RAPGEF6: variants seen among roughly 807,000 people sequenced by gnomAD.
The protein encoded by RAPGEF6 is Rap guanine nucleotide exchange factor 6.
In RAPGEF6, 56 loss-of-function variants were observed where a neutral mutation model predicts 171.4. The ratio of observed to expected loss-of-function variants is 0.33; its 90% CI spans 0.26 to 0.41. The LOEUF (loss-of-function observed/expected upper bound fraction) is 0.41, where lower values mean the gene tolerates loss of function less well. RAPGEF6 is among the 10% of genes least tolerant of loss of function. RAPGEF6 has a pLI of 1.00. For missense variants in RAPGEF6, 1,674 were observed against 1,921.4 expected (o/e 0.87, Z 2.41); for synonymous variants, 692 against 650.1 (o/e 1.06, Z -0.98).
intron 3 of RAPGEF6, among the ~76,000 whole-genome samples, chr5:131,601,545 G>A (rs1764258519): frequency 6.6e-6 from 1 of 152,104 alleles, no homozygotes; most frequent in Non-Finnish European, 1.5e-5. Context: ...CCAAATACCT[G>A]ATAGAAACAT....
At position 131,472,642 on chromosome 5, in the gene RAPGEF6, G is replaced by A. The variant is rs772034992; in HGVS notation, c.2184C>T (p.Ser728=). The A allele has an allele frequency of 3.1e-6, 5 of 1,614,078 alleles. No individual in the cohort carries two copies. The East Asian group carries it at 1.1e-4, about 36-fold the overall frequency. ...TGGTAGGCTGCAGGAGATCAGGGCT[G>A]CTGGATGAGAGTGTTCCAGGGATGG... is the stretch of plus-strand genomic sequence containing the variant. The part of the protein sequence containing the change: ...IMPIPGTLSS[S]SPDLLQPTTS... Residue 728 remains serine (S), a synonymous_variant, in exon 17 of 28, where the codon AGC becomes AGT. Coordinates refer to ENST00000509018, the MANE Select transcript of RAPGEF6 (RefSeq NM_016340.6).
At chr5:131,624,170 T>G (rs995775271) in intron 1 of RAPGEF6, among the ~76,000 whole-genome samples, 7 of 152,224 alleles carry the variant, frequency 4.6e-5, no homozygotes, top group African/African-American at 1.7e-4. Context: ...TCACATATAT[T>G]ATCTCATTTG....
chr5:131,453,768 A>G lies in RAPGEF6; in HGVS notation c.3077-591T>C, dbSNP rs76799879. Among the ~76,000 whole-genome samples the G allele has an allele frequency of 2.0e-3, 308 of 152,336 alleles. 1 individual carries two copies. The highest frequency in any genetic ancestry group is 3.3e-3 in the Non-Finnish European group (227 of 68,014). On this transcript the variant is annotated intron_variant, in intron 20 of 27. Coordinates refer to ENST00000509018, the MANE Select transcript of RAPGEF6 (RefSeq NM_016340.6). Reference sequence around the variant, plus strand: ...AAGGCAAGACTGAGGAACATACGGTAAACAGCACGTATAGATTGGACACAT... The same window carrying G: ...AAGGCAAGACTGAGGAACATACGGTGAACAGCACGTATAGATTGGACACAT...
intron 6 of RAPGEF6, among the ~76,000 whole-genome samples, chr5:131,538,508 T>C (rs1759923437): frequency 6.6e-6 from 1 of 152,188 alleles, no homozygotes; most frequent in Admixed American, 6.5e-5. Context: ...GTCATTTATG[T>C]GGTCTGTCAT....
At chr5:131,453,287 A>G in intron 20 of RAPGEF6, 110 bp from the exon 21 acceptor site, 1 of 1,444,384 alleles carries the variant, frequency 6.9e-7, no homozygotes, top group Non-Finnish European at 9.1e-7. Flanking sequence ...TCTTTATCAC[A>G]GTGCCAATTT....
At position 131,428,461 on chromosome 5, in the gene RAPGEF6, CT is replaced by C. The variant is rs879499440; in HGVS notation, c.4780+440del. On this transcript the variant is annotated intron_variant, in intron 27 of 27. Transcript: ENST00000509018. Reference sequence around the variant, plus strand: ...CACTCCCCCATACTATATTTAGGAACTTTTTTTTTTTTTTTGGAGACAGAGT... The same window carrying C: ...CACTCCCCCATACTATATTTAGGAACTTTTTTTTTTTTTTGGAGACAGAGT... 5.0e-3 allele frequency among the ~76,000 whole-genome samples: 706 copies of C among 142,038 alleles called. 2 individuals carry two copies. Among genetic ancestry groups the C allele is most frequent in the African/African-American group, 8.0e-3 (312 of 38,894 alleles). 93.2% of individuals were successfully genotyped at this position (142,038 alleles called of 152,430 possible). A position where few individuals can be genotyped will look rare whatever the true frequency, so the allele number is the denominator to read the frequency against.
At chr5:131,553,162 C>A (rs1761027159) in intron 5 of RAPGEF6, among the ~76,000 whole-genome samples, 1 of 152,116 alleles carries the variant, frequency 6.6e-6, no homozygotes, top group Admixed American at 6.5e-5. Flanking sequence ...AGAGACCCTG[C>A]TGAAGCACAA....
At chr5:131,553,821 T>G (rs1761059166) in intron 5 of RAPGEF6, among the ~76,000 whole-genome samples, 1 of 151,480 alleles carries the variant, frequency 6.6e-6, no homozygotes, top group African/African-American at 2.4e-5. Context: ...AAAAGGGAGT[T>G]AGTAAACTGG....
At chr5:131,431,617 A>T (rs867875350) in intron 25 of RAPGEF6, among the ~76,000 whole-genome samples, 179 of 145,626 alleles carry the variant, frequency 1.2e-3, no homozygotes, top group African/African-American at 4.2e-3. Context: ...AATGTTAGAT[A>T]TTTTTTTTTT....
intron 19 of RAPGEF6, among the ~76,000 whole-genome samples, chr5:131,456,732 C>G (rs182314471): frequency 3.3e-5 from 5 of 152,320 alleles, no homozygotes; most frequent in African/African-American, 1.2e-4. Context: ...TCTCAGCCAT[C>G]TGACTTTTAC....
chr5:131,625,063 A>C (rs1193251799), intron 1 of RAPGEF6, among the ~76,000 whole-genome samples: 2 of 152,088 alleles, frequency 1.3e-5, no homozygotes, highest in African/African-American at 2.4e-5. Context: ...GCAGTTCGAG[A>C]CCAGCCTGGC....
At chr5:131,593,891 A>G (rs1358323943) in intron 3 of RAPGEF6, among the ~76,000 whole-genome samples, 2 of 152,382 alleles carry the variant, frequency 1.3e-5, no homozygotes, top group Middle Eastern at 3.4e-3. Flanking sequence ...TTTAAAGGGA[A>G]GCAGAGCATA....
chr5:131,509,542 C>CAAAAAAAAAAAAAAAAA (rs59175698), intron 8 of RAPGEF6, among the ~76,000 whole-genome samples: 4 of 136,958 alleles, frequency 2.9e-5, no homozygotes, highest in African/African-American at 1.0e-4. Flanking sequence ...GACACCGTCT[C>CAAAAAAAAAAAAAAAAA]AAAAAAAAAA....
At chr5:131,435,766 G>T in intron 24 of RAPGEF6, 1 of 1,192,578 alleles carries the variant, frequency 8.4e-7, no homozygotes, top group Non-Finnish European at 1.1e-6. Flanking sequence ...GAAAACAAGA[G>T]TATAAAATTT....
intron 24 of RAPGEF6, among the ~76,000 whole-genome samples, chr5:131,439,200 A>T (rs1752221389): frequency 6.6e-6 from 1 of 152,228 alleles, no homozygotes; most frequent in African/African-American, 2.4e-5. Flanking sequence ...TATAAGCATG[A>T]GCCACTGTGC....
intron 6 of RAPGEF6, among the ~76,000 whole-genome samples, chr5:131,524,525 C>A (rs953304101): frequency 1.4e-5 from 2 of 144,906 alleles, no homozygotes; most frequent in African/African-American, 5.2e-5. Context: ...CAAACACAAC[C>A]AAAAGAAAGC....
intron 6 of RAPGEF6, among the ~76,000 whole-genome samples, chr5:131,534,429 T>C (rs1759616037): frequency 6.6e-6 from 1 of 152,140 alleles, no homozygotes; most frequent in Non-Finnish European, 1.5e-5. Context: ...ATTATTTAGA[T>C]TTTCATAAAG....
intron 11 of RAPGEF6, among the ~76,000 whole-genome samples, chr5:131,499,488 G>A (rs747403635): frequency 1.4e-5 from 2 of 147,418 alleles, no homozygotes; most frequent in African/African-American, 5.0e-5. Context: ...GGGTGAGGCA[G>A]CAGAATTGCT....
In RAPGEF6 at chr5:131,521,664, T is replaced by G. The variant is rs924638475; in HGVS notation, c.496-143A>C. On this transcript the variant is annotated intron_variant, in intron 6 of 27. Transcript: ENST00000509018. ...TTCTCTACTTTCAGCAAAAAGATCT[T>G]TTGAAATAAGAACCATATGGTACTC... The G allele has an allele frequency of 7.7e-6, 5 of 651,722 alleles. No homozygotes were observed. In the African/African-American group the frequency reaches 9.4e-5, roughly 12 times the overall value. 40.4% of individuals were successfully genotyped at this position (651,722 alleles called of 1,614,324 possible). A position where few individuals can be genotyped will look rare whatever the true frequency, so the allele number is the denominator to read the frequency against.
Sources: allele counts gnomAD v4.1 joint callset (sites outside exome capture counted in the v4.1 genomes callset), GRCh38; gene constraint gnomAD v4.1.1; transcripts MANE v1.5; gene names NCBI Gene and HGNC (gene_info 2026-07-23, HGNC 2026-07-21).